The following CAPN3 variants were observed in gnomAD, a reference collection of about 807,000 sequenced individuals.
The protein encoded by CAPN3 is calpain 3.
CAPN3 carries 88 observed loss-of-function variants against 114.0 expected under a neutral mutation model. The observed-to-expected ratio is 0.77, with a 90% CI of 0.65 to 0.92. CAPN3 has a LOEUF of 0.92. Ranked by LOEUF, CAPN3 falls within the 40% of genes least tolerant of loss-of-function variation. The probability of loss-of-function intolerance (pLI) is 0.00; values close to 1 mark genes in which losing one functional copy is unlikely to be tolerated. For missense variants in CAPN3, 1,028 were observed against 1,069.0 expected (o/e 0.96, Z 0.53); for synonymous variants, 386 against 382.9 (o/e 1.01, Z -0.09).
At chr15:42,384,367 G>A in intron 1 of CAPN3, 116 bp from the exon 2 acceptor site, 1 of 769,206 alleles carries the variant, frequency 1.3e-6, no homozygotes, top group East Asian at 2.5e-5. Context: ...AGCCAAGATT[G>A]CACCAGTGCA....
In CAPN3 at chr15:42,386,272, TCTTCCA is replaced by T; in HGVS notation, c.492_497del (p.His164_Phe165del). 1 of 1,610,614 alleles carries T rather than the reference TCTTCCA, an allele frequency of 6.2e-7. No homozygotes were observed. ...AGTTTCATCGAAAACTACGCAGGGA[TCTTCCA>T]CTTCCAGGTGAGGTAATGAGAGTGT... On this transcript the variant is annotated inframe_deletion, in exon 3 of 24. Transcript: ENST00000397163.
Position 42,369,583 on chromosome 15 carries a change from G to A in CAPN3, c.309+9469G>A, listed in dbSNP as rs141623295. Among the ~76,000 whole-genome samples the A allele has an allele frequency of 2.2e-3, 339 of 152,090 alleles. 4 individuals are homozygous for A. Among genetic ancestry groups the A allele is most frequent in the Middle Eastern group, 0.017 (5 of 294 alleles). ...CATTGCAGTCATTCTTCTTTTTCAT[G>A]TTCAAATTGTTCCATCTTTGGACAG... is the stretch of plus-strand genomic sequence containing the variant. On this transcript the variant is annotated intron_variant, in intron 1 of 23. Transcript: ENST00000397163.
chr15:42,388,907 G>C (rs1412920291), intron 4 of CAPN3, 21 bp from the exon 5 acceptor site: 1 of 1,612,878 alleles, frequency 6.2e-7, no homozygotes, highest in Non-Finnish European at 8.5e-7. Flanking sequence ...ACCCCAAATT[G>C]GTCTTCATCC....
intron 1 of CAPN3, among the ~76,000 whole-genome samples, chr15:42,369,844 C>T (rs866495932): frequency 1.3e-5 from 2 of 150,864 alleles, no homozygotes; most frequent in Non-Finnish European, 1.5e-5. Context: ...ACTTGGCCAT[C>T]GCATCAGCAC....
At chr15:42,366,762 T>C (rs2052787051) in intron 1 of CAPN3, among the ~76,000 whole-genome samples, 1 of 151,826 alleles carries the variant, frequency 6.6e-6, no homozygotes, top group Non-Finnish European at 1.5e-5. Flanking sequence ...GCAACAGGGC[T>C]TGTGACGACC....
chr15:42,368,481 CATCA>C (rs941985768), intron 1 of CAPN3, among the ~76,000 whole-genome samples: 5 of 152,196 alleles, frequency 3.3e-5, no homozygotes, highest in African/African-American at 9.6e-5. Context: ...GTTATTGAAT[CATCA>C]ATCAATAAAC....
At chr15:42,388,188 G>A (rs1261878205) in intron 4 of CAPN3, among the ~76,000 whole-genome samples, 1 of 152,210 alleles carries the variant, frequency 6.6e-6, no homozygotes, top group Non-Finnish European at 1.5e-5. Flanking sequence ...TCAGAGCATT[G>A]TATCTCTGGA....
At chr15:42,394,755 T>C (rs1432679478) in intron 8 of CAPN3, among the ~76,000 whole-genome samples, 1 of 152,204 alleles carries the variant, frequency 6.6e-6, no homozygotes, top group East Asian at 1.9e-4. Context: ...TTTTGGCAAG[T>C]GCTGAGCCAT....
Position 42,390,027 on chromosome 15 carries a change from G to C in CAPN3, c.876G>C (p.Arg292Ser), listed in dbSNP as rs777125401. Reference protein sequence around the residue: ...NMGELIARMVRNMDNSLLQDS... With the variant: ...NMGELIARMVSNMDNSLLQDS... The stretch of plus-strand genomic sequence containing the variant: ...GGGAGTTGATTGCACGGATGGTAAG[G>C]AATATGGATAACTCACTGCTCCAGG... Residue 292 changes from arginine (R) to serine (S), a missense_variant, in exon 6 of 24, where the codon AGG (arginine) becomes AGC (serine). Arg to Ser is a moderately radical substitution (Grantham distance 110, BLOSUM62 -1). Coordinates refer to ENST00000397163, the MANE Select transcript of CAPN3 (RefSeq NM_000070.3). 6 of 1,614,008 alleles carry C rather than the reference G, an allele frequency of 3.7e-6. 2 individuals are homozygous for C. In the South Asian group the frequency reaches 6.6e-5, roughly 18 times the overall value.
rs868463240 is a variant in CAPN3, at chr15:42,406,513, T to C, written c.1800+570T>C. Reference sequence around the variant, plus strand: ...TTGGGGTCAGTCCCTCTCTTTTTTTTCCCCCCCAATTATAACAGTATCTAC... The same window carrying C: ...TTGGGGTCAGTCCCTCTCTTTTTTTCCCCCCCCAATTATAACAGTATCTAC... On this transcript the variant is annotated intron_variant, in intron 15 of 23. Transcript: ENST00000397163. 7.1e-4 allele frequency among the ~76,000 whole-genome samples: 108 copies of C among 151,626 alleles called. 1 individual carries two copies. Among genetic ancestry groups the C allele is most frequent in the Middle Eastern group, 3.4e-3 (1 of 294 alleles).
At chr15:42,388,777 AT>A in intron 4 of CAPN3, 150 bp from the exon 5 acceptor site, 1 of 774,814 alleles carries the variant, frequency 1.3e-6, no homozygotes, top group Non-Finnish European at 2.3e-6. Context: ...AAAGGGAATC[AT>A]TGTTTCCATC....
rs185330188 is a variant in CAPN3 at position 42,368,810 on chromosome 15, G to C, written c.309+8696G>C. Among the ~76,000 whole-genome samples, 32 of 152,322 alleles carry C rather than the reference G, an allele frequency of 2.1e-4. 1 individual carries two copies. The highest frequency in any genetic ancestry group is 2.1e-3 in the Admixed American group (32 of 15,306). The stretch of plus-strand genomic sequence containing the variant: ...CTCACACCTGCAGTCCCAGCATTTT[G>C]GGAGGCCAAGGCGGGTGGATCACTT... On this transcript the variant is annotated intron_variant, in intron 1 of 23. Coordinates refer to ENST00000397163, the MANE Select transcript of CAPN3 (RefSeq NM_000070.3).
intron 14 of CAPN3, among the ~76,000 whole-genome samples, chr15:42,405,295 AT>A (rs991557658): frequency 6.6e-6 from 1 of 152,082 alleles, no homozygotes; most frequent in African/African-American, 2.4e-5. Context: ...AACCAATTTC[AT>A]TTTTTTATTA....
Position 42,387,845 on chromosome 15 carries a change from C to T in CAPN3, c.591C>T (p.Arg197=). The T allele has an allele frequency of 6.2e-7, 1 of 1,614,184 alleles. No homozygotes were observed. The highest frequency in any genetic ancestry group is 8.5e-7 in the Non-Finnish European group (1 of 1,180,032). Reference sequence around the variant, plus strand: ...TGGTTTTCACCAAGTCCAACCACCGCAATGAGTTCTGGAGTGCTCTGCTGG... The same window carrying T: ...TGGTTTTCACCAAGTCCAACCACCGTAATGAGTTCTGGAGTGCTCTGCTGG... ...NQLVFTKSNH[R]NEFWSALLEK... Residue 197 remains arginine (R), a synonymous_variant, in exon 4 of 24, where the codon CGC becomes CGT. Coordinates refer to ENST00000397163, the MANE Select transcript of CAPN3 (RefSeq NM_000070.3).
intron 10 of CAPN3, among the ~76,000 whole-genome samples, chr15:42,400,720 G>A (rs28364479): frequency 0.011 from 1,597 of 152,004 alleles, 31 homozygotes; most frequent in African/African-American, 0.037. Context: ...AAATATCAGC[G>A]TGTTGTTTGT....
intron 23 of CAPN3, 47 bp from the exon 24 acceptor site, chr15:42,411,700 G>GC (rs775242909): frequency 4.4e-5 from 36 of 823,444 alleles, no homozygotes; most frequent in East Asian, 2.3e-4. Context: ...GGGGGGGGGG[G>GC]GGTCACTCTT....
At position 42,401,585 on chromosome 15, in the gene CAPN3, C is replaced by T. The variant is rs913961592; in HGVS notation, c.1355-56C>T. ...ATAAATGGCTCCCTCTGTCTCATCC[C>T]CTTCCTGCCCTCTGAGAGGCAGCTG... is the stretch of plus-strand genomic sequence containing the variant. On this transcript the variant is annotated intron_variant, in intron 10 of 23. Coordinates refer to ENST00000397163, the MANE Select transcript of CAPN3 (RefSeq NM_000070.3). The T allele has an allele frequency of 7.0e-6, 11 of 1,562,056 alleles. 1 individual carries two copies. In the Middle Eastern group the frequency reaches 6.7e-4, roughly 95 times the overall value.
intron 16 of CAPN3, chr15:42,408,955 A>C: frequency 5.8e-6 from 2 of 344,890 alleles, no homozygotes; most frequent in South Asian, 2.8e-5. Context: ...GGCTGGAGGA[A>C]TCAGAACGGT....
intron 1 of CAPN3, among the ~76,000 whole-genome samples, chr15:42,377,072 AT>A (rs1313698366): frequency 4.6e-5 from 7 of 151,962 alleles, no homozygotes; most frequent in African/African-American, 1.7e-4. Flanking sequence ...TTTTTGGGTC[AT>A]TTGTTTGGAA....
Sources: gnomAD v4.1 joint callset for allele counts (sites outside exome capture counted in the v4.1 genomes callset) on GRCh38, gnomAD v4.1.1 for gene constraint, MANE v1.5 for transcripts, NCBI Gene and HGNC (gene_info 2026-07-23, HGNC 2026-07-21) for gene names.